Variants in FLNC observed in about 807,000 individuals in gnomAD.
The protein encoded by FLNC is filamin C.
In FLNC, 91 loss-of-function variants were observed where a neutral mutation model predicts 254.3. The ratio of observed to expected loss-of-function variants is 0.36; its 90% CI spans 0.30 to 0.43. The LOEUF is 0.43. Among genes scored for constraint, FLNC ranks in the 20% least tolerant of loss-of-function variants. FLNC has a pLI of 1.00. For synonymous variants in FLNC, 1,430 were observed against 1,577.2 expected (o/e 0.91, Z 2.21); for missense variants, 2,853 against 3,802.6 (o/e 0.75, Z 6.57).
rs768307482 is a variant in FLNC, at chr7:128,854,113, G to A, written c.6624G>A (p.Glu2208=). 4.3e-6 allele frequency: 7 copies of A among 1,612,964 alleles called. No individual in the cohort carries two copies. The African/African-American group carries it at 6.7e-5, about 15-fold the overall frequency. ...AGACAAAGCGCGAGGTGCGGGTGGA[G>A]GAGTCCACCCAGGTCGGCGGGGACC... is the stretch of plus-strand genomic sequence containing the variant. ...GGETKREVRV[E]ESTQVGGDPF... is the part of the protein sequence containing the mutation. The change falls in exon 40 of 48, where the codon GAG becomes GAA. Residue 2208 remains glutamate (E), a synonymous_variant. Coordinates refer to ENST00000325888, the MANE Select transcript of FLNC (RefSeq NM_001458.5).
In FLNC at chr7:128,834,680, A is replaced by G. The variant is rs189152612; in HGVS notation, c.353-646A>G. Among the ~76,000 whole-genome samples the G allele has an allele frequency of 2.7e-3, 411 of 152,172 alleles. 14 individuals carry two copies. The South Asian group carries it at 0.057, about 21-fold the overall frequency. The stretch of plus-strand genomic sequence containing the variant: ...TAGTGTCTAGAGTGAAAAAAACCAG[A>G]CCAAAAAAAAAGAGAGTATATACTG... On this transcript the variant is annotated intron_variant, in intron 1 of 47. Transcript: ENST00000325888.
Position 128,842,716 on chromosome 7 carries a change from G to A in FLNC, c.2389+18G>A, listed in dbSNP as rs1335685925. 3.0e-5 allele frequency: 47 copies of A among 1,565,852 alleles called. No homozygotes were observed. The highest frequency in any genetic ancestry group is 3.8e-5 in the Non-Finnish European group (44 of 1,154,810). On this transcript the variant is annotated intron_variant, in intron 15 of 47. Coordinates refer to ENST00000325888, the MANE Select transcript of FLNC (RefSeq NM_001458.5). This position sits in a 1 kb window ranked among gnomAD's most constrained non-coding sequence, Gnocchi z 5.4. ...GGGGCAAGGTGCGCCCAGCCGGAAG[G>A]GGTGGGTCTGGGAGGGGGCGGGGGT...
chr7:128,854,966 T>G, intron 42 of FLNC, 54 bp downstream of exon 42: 1 of 1,599,956 alleles, frequency 6.3e-7, no homozygotes, highest in Non-Finnish European at 8.6e-7. Flanking sequence ...CCAGACTGGG[T>G]TTCTGCCCAC....
At chr7:128,839,134 G>A (rs1044265047) in intron 8 of FLNC, among the ~76,000 whole-genome samples, 3 of 152,232 alleles carry the variant, frequency 2.0e-5, no homozygotes, top group Admixed American at 6.5e-5. Context: ...CCACCAGGCC[G>A]AGAGTGATGC....
intron 6 of FLNC, 92 bp downstream of exon 6, chr7:128,838,156 GC>G: frequency 6.7e-7 from 1 of 1,494,130 alleles, no homozygotes; most frequent in Non-Finnish European, 9.3e-7. Flanking sequence ...CCTCGCGCCT[GC>G]CCAGAGCCCC....
At chr7:128,845,958 C>T (rs1430853543) in intron 21 of FLNC, 32 bp from the exon 22 acceptor site, 2 of 1,610,386 alleles carry the variant, frequency 1.2e-6, no homozygotes, top group South Asian at 1.1e-5. Context: ...GCTGCCCCCA[C>T]CCCTGCTGAA....
At position 128,830,721 on chromosome 7, in the gene FLNC, G is replaced by A. The variant is rs372154508; in HGVS notation, c.84G>A (p.Leu28=). 1.2e-6 allele frequency: 2 copies of A among 1,612,974 alleles called. No homozygotes were observed. The highest frequency in any genetic ancestry group is 1.7e-5 in the Admixed American group (1 of 60,004). The change falls in exon 1 of 48, where the codon CTG becomes CTA. Residue 28 remains leucine (L), a synonymous_variant. Coordinates refer to ENST00000325888, the MANE Select transcript of FLNC (RefSeq NM_001458.5). ...TDEMPSTEKD[L]AEDAPWKKIQ... is the part of the protein sequence containing the mutation. Reference sequence around the variant, plus strand: ...AGATGCCGTCCACGGAGAAGGACCTGGCGGAGGACGCGCCGTGGAAGAAGA... The same window carrying A: ...AGATGCCGTCCACGGAGAAGGACCTAGCGGAGGACGCGCCGTGGAAGAAGA...
Position 128,844,251 on chromosome 7 carries a change from C to T in FLNC, c.3177C>T (p.Pro1059=), listed in dbSNP as rs1194923245. The T allele has an allele frequency of 1.2e-6, 2 of 1,608,354 alleles. No individual in the cohort carries two copies. The highest frequency in any genetic ancestry group is 1.1e-5 in the South Asian group (1 of 90,558). ...CGTTTGCTGTGGAGGGTGTCCTGCC[C>T]CCTGATCCCTCCAAGGTGAGGAGAT... is the stretch of plus-strand genomic sequence containing the variant. The part of the protein sequence containing the change: ...GSPFAVEGVL[P]PDPSKVCAYG... Residue 1059 remains proline, a synonymous_variant, in exon 20 of 48, where the codon CCC becomes CCT. Transcript: ENST00000325888.
Position 128,857,738 on chromosome 7 carries a change from C to T in FLNC, c.7781-270C>T, listed in dbSNP as rs1454178412. Among the ~76,000 whole-genome samples the T allele has an allele frequency of 6.6e-6, 1 of 152,034 alleles. No individual in the cohort carries two copies. The highest frequency in any genetic ancestry group is 6.6e-5 in the Admixed American group (1 of 15,266). On this transcript the variant is annotated intron_variant, in intron 46 of 47. Transcript: ENST00000325888. The surrounding 1 kb of genome is among the most constrained non-coding windows in gnomAD (Gnocchi z 4.5). ...AAGTGGCTCTTACCCTGTGAGTTAGCCTGAGTTCCCAGACAAAGCCTGCAA... is the reference window on the plus strand; with the variant it reads ...AAGTGGCTCTTACCCTGTGAGTTAGTCTGAGTTCCCAGACAAAGCCTGCAA...
chr7:128,835,310 G>C lies in FLNC; in HGVS notation c.353-16G>C. 7 of 1,612,840 alleles carry C rather than the reference G, an allele frequency of 4.3e-6. No homozygotes were observed. Among genetic ancestry groups the C allele is most frequent in the Non-Finnish European group, 5.9e-6 (7 of 1,179,972 alleles). On this transcript the variant is annotated splice_polypyrimidine_tract_variant and intron_variant, in intron 1 of 47. Transcript: ENST00000325888. The surrounding 1 kb of genome is among the most constrained non-coding windows in gnomAD (Gnocchi z 5.3). ...GTGGGGCGCCCCTGAGCCCGTCTGT[G>C]CCCTCCCCTCTGCAGACAGCAAGGC... is the stretch of plus-strand genomic sequence containing the variant.
intron 9 of FLNC, 44 bp from the exon 10 acceptor site, chr7:128,840,504 G>A (rs1321835165): frequency 5.6e-6 from 9 of 1,613,780 alleles, no homozygotes; most frequent in Non-Finnish European, 7.6e-6. Context: ...GGACTTCAAG[G>A]ATATTGATCT....
chr7:128,846,724 T>C, intron 23 of FLNC, 21 bp from the exon 24 acceptor site: 1 of 1,611,784 alleles, frequency 6.2e-7, no homozygotes, highest in Non-Finnish European at 8.5e-7. Context: ...ATGAAGCTGA[T>C]GGGGGGATGT....
At chr7:128,839,961 G>A in intron 8 of FLNC, 62 bp from the exon 9 acceptor site, 1 of 1,594,470 alleles carries the variant, frequency 6.3e-7, no homozygotes, top group Non-Finnish European at 8.5e-7. Flanking sequence ...TGCACAGGGA[G>A]GTGGGGGCTA....
Position 128,843,865 on chromosome 7 carries a change from G to C in FLNC, c.2881G>C (p.Ala961Pro), listed in dbSNP as rs1398304692. 6.2e-7 allele frequency: 1 copy of C among 1,614,024 alleles called. No individual in the cohort carries two copies. The highest frequency in any genetic ancestry group is 1.7e-5 in the Admixed American group (1 of 60,022). Residue 961 changes from alanine to proline, a missense_variant, in exon 19 of 48, where the codon GCA (alanine) becomes CCA (proline). Around this residue, in one of 10 missense-constraint regions of FLNC, gnomAD observed 1,573 missense variants for 1,883.5 expected, o/e 0.84. Coordinates refer to ENST00000325888, the MANE Select transcript of FLNC (RefSeq NM_001458.5). ...CAAGAGCCCCTTTGTGGTGAATGTGGCACCCCCGCTGGACCTCAGCAAAAT... is the reference window on the plus strand; with the variant it reads ...CAAGAGCCCCTTTGTGGTGAATGTGCCACCCCCGCTGGACCTCAGCAAAAT... ...VPKSPFVVNV[A>P]PPLDLSKIKV... is the part of the protein sequence containing the mutation.
In FLNC at chr7:128,848,628, A is replaced by C. The variant is rs528458873; in HGVS notation, c.4648A>C (p.Asn1550His). The change falls in exon 27 of 48, where the codon AAC (asparagine) becomes CAC (histidine). Residue 1550 changes from asparagine (N) to histidine (H), a missense_variant. By Grantham distance (68) the Asn-to-His change is moderately conservative. This residue lies in a region of FLNC where 1,573 missense variants were observed against 1,883.5 expected (regional missense o/e 0.84). Coordinates refer to ENST00000325888, the MANE Select transcript of FLNC (RefSeq NM_001458.5). ...SKVRASGPGL[N>H]ASGIPASLPV... ...GGTGCGGGCCAGCGGCCCAGGCCTC[A>C]ACGCCTCTGGCATCCCTGCCAGCCT... 6.2e-7 allele frequency: 1 copy of C among 1,613,676 alleles called. No individual in the cohort carries two copies. The highest frequency in any genetic ancestry group is 2.2e-5 in the East Asian group (1 of 44,874).
In FLNC at chr7:128,842,982, G is replaced by T; in HGVS notation, c.2550+28G>T. The T allele has an allele frequency of 6.2e-7, 1 of 1,612,506 alleles. No individual in the cohort carries two copies. Among genetic ancestry groups the T allele is most frequent in the Non-Finnish European group, 8.5e-7 (1 of 1,179,242 alleles). ...ACCTAAGCTCCTGGGTACTCACAGC[G>T]ACATGCACCTGCCAGCTCCAGAAGG... On this transcript the variant is annotated intron_variant, in intron 16 of 47. Transcript: ENST00000325888. The surrounding 1 kb of genome is among the most constrained non-coding windows in gnomAD (Gnocchi z 5.4).
chr7:128,856,902 G>A lies in FLNC; in HGVS notation c.7542G>A (p.Gly2514=). The part of the protein sequence containing the change: ...DPGLVSAYGP[G]LEGGTTGVSS... ...GCTTGGTGTCAGCCTACGGTCCTGG[G>A]CTCGAGGGAGGCACTACCGGTGAGT... The change falls in exon 45 of 48, where the codon GGG becomes GGA. Residue 2514 remains glycine (G), a synonymous_variant. Coordinates refer to ENST00000325888, the MANE Select transcript of FLNC (RefSeq NM_001458.5). The surrounding 1 kb of genome is among the most constrained non-coding windows in gnomAD (Gnocchi z 5.9). 2 of 1,614,108 alleles carry A rather than the reference G, an allele frequency of 1.2e-6. No individual in the cohort carries two copies. The highest frequency in any genetic ancestry group is 1.7e-6 in the Non-Finnish European group (2 of 1,180,000).
At chr7:128,847,125 T>A (rs975824251) in intron 24 of FLNC, among the ~76,000 whole-genome samples, 29 of 152,264 alleles carry the variant, frequency 1.9e-4, no homozygotes, top group African/African-American at 7.0e-4. Flanking sequence ...GAACACACTC[T>A]GGCCTCCTAG....
chr7:128,832,106 C>T (rs1032751646), intron 1 of FLNC, among the ~76,000 whole-genome samples: 4 of 152,192 alleles, frequency 2.6e-5, no homozygotes, highest in Non-Finnish European at 4.4e-5. Flanking sequence ...GTCAGCCCCA[C>T]TCTCCCTTGG....
Sources: allele counts gnomAD v4.1 joint callset (sites outside exome capture counted in the v4.1 genomes callset), GRCh38; gene constraint gnomAD v4.1.1; regional missense constraint gnomAD v4.1.1; non-coding constraint Gnocchi (gnomAD v3.1); transcripts MANE v1.5; gene names NCBI Gene and HGNC (gene_info 2026-07-23, HGNC 2026-07-21).